Variants in NCAM1 observed in about 807,000 individuals in gnomAD.
NCAM1 encodes the protein antigen recognized by monoclonal antibody 5.1H11.
NCAM1 carries 14 observed loss-of-function variants against 109.8 expected under a neutral mutation model. The observed-to-expected ratio is 0.13, with a 90% CI of 0.08 to 0.20. The LOEUF (loss-of-function observed/expected upper bound fraction) is 0.20, where lower values mean the gene tolerates loss of function less well. Ranked by LOEUF, NCAM1 falls within the 10% of genes least tolerant of loss-of-function variation. NCAM1 has a pLI of 1.00. For missense variants in NCAM1, 774 were observed against 1,109.9 expected (o/e 0.70, Z 4.30); for synonymous variants, 418 against 442.9 (o/e 0.94, Z 0.70).
chr11:113,171,437 G>A (rs1555106223), intron 1 of NCAM1, among the ~76,000 whole-genome samples: 1 of 152,098 alleles, frequency 6.6e-6, no homozygotes, highest in Non-Finnish European at 1.5e-5. Flanking sequence ...TTCGAGACAA[G>A]TCTGGCCAAG....
In NCAM1 at chr11:113,275,403, G is replaced by A. The variant is rs537873703; in HGVS notation, c.*16G>A. ...CAAAGCATGATGGGTGAAGAGAACC[G>A]AGCAAAGATCAAAATAAAAAGTGAC... On this transcript the variant is annotated 3_prime_UTR_variant, in exon 20 of 20. Transcript: ENST00000316851. 93 of 1,607,754 alleles carry A rather than the reference G, an allele frequency of 5.8e-5. No individual in the cohort carries two copies. The Admixed American group carries it at 8.5e-4, about 15-fold the overall frequency.
chr11:113,255,870 G>C lies in NCAM1; in HGVS notation c.1829-7G>C, dbSNP rs1268426329. 5 of 1,612,170 alleles carry C rather than the reference G, an allele frequency of 3.1e-6. No individual in the cohort carries two copies. The highest frequency in any genetic ancestry group is 2.7e-5 in the African/African-American group (2 of 74,842). ...AGAATTTCATGTGAATTAACTGGCT[G>C]TTTCAGGGGAACCCAGTGCACCTAA... On this transcript the variant is annotated splice_region_variant and splice_polypyrimidine_tract_variant and intron_variant, in intron 15 of 19. Coordinates refer to ENST00000316851, the MANE Select transcript of NCAM1 (RefSeq NM_181351.5).
chr11:113,192,734 C>T (rs781791484), intron 1 of NCAM1, among the ~76,000 whole-genome samples: 4 of 152,308 alleles, frequency 2.6e-5, no homozygotes, highest in East Asian at 1.9e-4. Context: ...GTCAGGACAA[C>T]GGCCAACCCT....
intron 13 of NCAM1, among the ~76,000 whole-genome samples, chr11:113,234,466 C>T (rs1190593596): frequency 6.6e-6 from 1 of 152,140 alleles, no homozygotes; most frequent in Non-Finnish European, 1.5e-5. Flanking sequence ...TCCTCCCAGC[C>T]CCTGGCAACC....
At chr11:113,111,227 T>C (rs552708867) in intron 1 of NCAM1, among the ~76,000 whole-genome samples, 11 of 152,310 alleles carry the variant, frequency 7.2e-5, no homozygotes, top group African/African-American at 2.4e-4. Flanking sequence ...CATCTGTGCT[T>C]TCATGGCTTT....
intron 1 of NCAM1, among the ~76,000 whole-genome samples, chr11:113,178,239 A>G (rs1282949509): frequency 1.3e-5 from 2 of 152,170 alleles, no homozygotes; most frequent in Non-Finnish European, 1.5e-5. Flanking sequence ...AGGCAGGGAG[A>G]CAGAAAAATG....
In NCAM1 at chr11:113,078,226, G is replaced by A. The variant is rs191922704; in HGVS notation, c.52+116562G>A. Among the ~76,000 whole-genome samples, 38 of 152,212 alleles carry A rather than the reference G, an allele frequency of 2.5e-4. No individual in the cohort carries two copies. The East Asian group carries it at 7.4e-3, about 29-fold the overall frequency. ...TCCGAGAGTTCCTTGGTTTAGGGCT[G>A]CACAACTCCAGTCTCTGCCTCTGTC... On this transcript the variant is annotated intron_variant, in intron 1 of 19. Transcript: ENST00000316851.
intron 1 of NCAM1, among the ~76,000 whole-genome samples, chr11:113,009,734 A>G (rs1248661739): frequency 6.6e-6 from 1 of 152,176 alleles, no homozygotes; most frequent in African/African-American, 2.4e-5. Context: ...AAATGAGATC[A>G]GGGTCTTACA....
chr11:113,256,634 C>A (rs1237146899), intron 16 of NCAM1, among the ~76,000 whole-genome samples: 1 of 152,224 alleles, frequency 6.6e-6, no homozygotes, highest in South Asian at 2.1e-4. Flanking sequence ...CTGAGCTGTC[C>A]TAATCCTGCT....
chr11:113,192,397 C>T (rs1943708000), intron 1 of NCAM1, among the ~76,000 whole-genome samples: 1 of 138,806 alleles, frequency 7.2e-6, no homozygotes, highest in Non-Finnish European at 1.5e-5. Flanking sequence ...CAATAAGGGT[C>T]TGCTTAGACA....
chr11:113,171,904 G>C (rs149628959), intron 1 of NCAM1, among the ~76,000 whole-genome samples: 1 of 152,090 alleles, frequency 6.6e-6, no homozygotes, highest in Non-Finnish European at 1.5e-5. Context: ...GAATAGGATC[G>C]GCCCTATCCA....
intron 1 of NCAM1, among the ~76,000 whole-genome samples, chr11:113,081,396 A>G (rs1938810270): frequency 6.6e-6 from 1 of 152,202 alleles, no homozygotes; most frequent in Admixed American, 6.5e-5. Context: ...CAATAGAGGA[A>G]GTCAGGAGAC....
intron 1 of NCAM1, among the ~76,000 whole-genome samples, chr11:113,166,052 C>T (rs1055827131): frequency 1.3e-5 from 2 of 151,924 alleles, no homozygotes; most frequent in Admixed American, 1.3e-4. Flanking sequence ...AGGGTGGTCC[C>T]GATCTCCTGA....
Position 113,249,772 on chromosome 11 carries a change from G to A in NCAM1, c.1828+3402G>A, listed in dbSNP as rs79801034. Among the ~76,000 whole-genome samples, 1,303 of 152,268 alleles carry A rather than the reference G, an allele frequency of 8.6e-3. 19 individuals carry two copies. Among genetic ancestry groups the A allele is most frequent in the African/African-American group, 0.029 (1,207 of 41,534 alleles). On this transcript the variant is annotated intron_variant, in intron 15 of 19. Transcript: ENST00000316851. ...CTGTTGGTGTTTTCATGACACCTGC[G>A]AGAAGGGAACTGGTATTTTTGTGGT...
rs782083514 is a variant in NCAM1, at chr11:113,207,888, G to A, written c.802G>A (p.Asp268Asn). ...CGATGAGAAGTACATCTTCAGCGAC[G>A]ATAGTTCCCAGCTGACCATCAAAAA... is the stretch of plus-strand genomic sequence containing the variant. ...EDDEKYIFSD[D>N]SSQLTIKKVD... The change falls in exon 7 of 20, where the codon GAT becomes AAT. Residue 268 changes from aspartate to asparagine, a missense_variant. Around this residue, in one of 4 missense-constraint regions of NCAM1, gnomAD observed 523 missense variants for 784.2 expected, o/e 0.67. Transcript: ENST00000316851. 2.9e-5 allele frequency: 46 copies of A among 1,611,914 alleles called. No homozygotes were observed. The highest frequency in any genetic ancestry group is 4.5e-5 in the East Asian group (2 of 44,860).
rs549193885 is a variant in NCAM1 at position 113,228,712 on chromosome 11, A to G, written c.1090-2933A>G. Among the ~76,000 whole-genome samples the G allele has an allele frequency of 1.3e-3, 197 of 152,370 alleles. 2 individuals are homozygous for G. The highest frequency in any genetic ancestry group is 2.0e-3 in the Non-Finnish European group (136 of 68,042). On this transcript the variant is annotated intron_variant, in intron 9 of 19. Transcript: ENST00000316851. Reference sequence around the variant, plus strand: ...ACAAGACTACAGTAACCAAAGCAGCATGGTACTGGTACCAAAACAGAGATA... The same window carrying G: ...ACAAGACTACAGTAACCAAAGCAGCGTGGTACTGGTACCAAAACAGAGATA...
At chr11:113,245,926 C>T (rs1945486396) in intron 14 of NCAM1, among the ~76,000 whole-genome samples, 1 of 152,140 alleles carries the variant, frequency 6.6e-6, no homozygotes. Flanking sequence ...TAATAACTTG[C>T]TTTTTTCTTT....
chr11:113,258,443 CCTT>C (rs1945886329), intron 16 of NCAM1, among the ~76,000 whole-genome samples: 1 of 152,174 alleles, frequency 6.6e-6, no homozygotes, highest in African/African-American at 2.4e-5. Flanking sequence ...AATAGAAAAA[CCTT>C]ATTCAGTCCA....
chr11:113,259,316 G>C (rs1414689469), intron 16 of NCAM1, among the ~76,000 whole-genome samples: 3 of 152,084 alleles, frequency 2.0e-5, no homozygotes, highest in Non-Finnish European at 2.9e-5. Flanking sequence ...CTCCCAAAGT[G>C]CTGGGATTAC....
Sources: allele counts gnomAD v4.1 joint callset (sites outside exome capture counted in the v4.1 genomes callset), GRCh38; gene constraint gnomAD v4.1.1; regional missense constraint gnomAD v4.1.1; transcripts MANE v1.5; gene names NCBI Gene and HGNC (gene_info 2026-07-23, HGNC 2026-07-21).